TYRP1: variants seen among roughly 807,000 people sequenced by gnomAD.
TYRP1 encodes the protein tyrosinase related protein 1.
Under a neutral mutation model 42.8 loss-of-function variants are expected in TYRP1, and 49 were observed. The ratio of observed to expected loss-of-function variants is 1.14; its 90% CI spans 0.91 to 1.45. The LOEUF (loss-of-function observed/expected upper bound fraction) is 1.45, where lower values mean the gene tolerates loss of function less well. Ranked by LOEUF, TYRP1 falls within the 40% of genes most tolerant of loss-of-function variation. The pLI, the probability that TYRP1 is intolerant of heterozygous loss-of-function variation, is 0.00. For synonymous variants in TYRP1, 279 were observed against 235.4 expected, an observed-to-expected ratio of 1.19 and a Z score of -1.69; for missense variants, 848 against 662.0, an observed-to-expected ratio of 1.28 and a Z score of -3.08.
At chr9:12,707,923 C>A in intron 6 of TYRP1, 74 bp from the exon 7 acceptor site, 2 of 1,426,938 alleles carry the variant, frequency 1.4e-6, no homozygotes, top group African/African-American at 1.4e-5. Context: ...ATATTGGATG[C>A]CTTTAGAACT....
chr9:12,706,254 G>T (rs141586301), intron 6 of TYRP1, among the ~76,000 whole-genome samples: 1 of 151,976 alleles, frequency 6.6e-6, no homozygotes, highest in Non-Finnish European at 1.5e-5. Flanking sequence ...TCACAATGCC[G>T]TGGGTGTTAG....
At chr9:12,699,747 G>A (rs566635167) in intron 4 of TYRP1, among the ~76,000 whole-genome samples, 1 of 152,184 alleles carries the variant, frequency 6.6e-6, no homozygotes, top group East Asian at 1.9e-4. Flanking sequence ...AACTGAAATT[G>A]AGGATCAGGA....
In TYRP1 at chr9:12,709,338, G is replaced by A. The variant is rs1818318510; in HGVS notation, c.*156G>A. 2.6e-6 allele frequency: 2 copies of A among 771,260 alleles called. No individual in the cohort carries two copies. Among genetic ancestry groups the A allele is most frequent in the Admixed American group, 2.3e-5 (1 of 43,420 alleles). 47.8% of individuals were successfully genotyped at this position (771,260 alleles called of 1,614,324 possible). A position where few individuals can be genotyped will look rare whatever the true frequency, so the allele number is the denominator to read the frequency against. The stretch of plus-strand genomic sequence containing the variant: ...TTCTAGGCATACTTTTCAAAGCTGG[G>A]AAGACCCTTTCAGAATCTTTTCAAT... On this transcript the variant is annotated 3_prime_UTR_variant, in exon 8 of 8. Coordinates refer to ENST00000388918, the MANE Select transcript of TYRP1 (RefSeq NM_000550.3).
chr9:12,693,824 C>T, intron 1 of TYRP1, 88 bp from the exon 2 acceptor site: 1 of 726,956 alleles, frequency 1.4e-6, no homozygotes. Context: ...CATATGGGTT[C>T]CATTTTGAAA....
At position 12,708,104 on chromosome 9, in the gene TYRP1, C is replaced by A. The variant is rs767378460; in HGVS notation, c.1369C>A (p.Pro457Thr). 3.7e-6 allele frequency: 6 copies of A among 1,612,770 alleles called. No homozygotes were observed. In the Admixed American group the frequency reaches 1.0e-4, roughly 27 times the overall value. Residue 457 changes from proline to threonine, a missense_variant, in exon 7 of 8, where the codon CCA becomes ACA. Transcript: ENST00000388918. ...VTNTEMFVTA[P>T]DNLGYTYEIQ... ...CAACACAGAAATGTTTGTTACTGCTCCAGACAACCTGGGATACACTTATGA... is the reference window on the plus strand; with the variant it reads ...CAACACAGAAATGTTTGTTACTGCTACAGACAACCTGGGATACACTTATGA...
intron 3 of TYRP1, among the ~76,000 whole-genome samples, chr9:12,696,614 C>T (rs574768884): frequency 1.3e-5 from 2 of 152,048 alleles, no homozygotes; most frequent in African/African-American, 4.8e-5. Context: ...ACAAAGTGAA[C>T]CTCAACTCAA....
At chr9:12,705,631 G>C (rs557595350) in intron 6 of TYRP1, among the ~76,000 whole-genome samples, 4 of 152,112 alleles carry the variant, frequency 2.6e-5, no homozygotes, top group South Asian at 4.1e-4. Flanking sequence ...GGGATCACTT[G>C]AGCCCAAGAG....
At position 12,709,068 on chromosome 9, in the gene TYRP1, G is replaced by T. The variant is rs34060600; in HGVS notation, c.1500G>T (p.Leu500=). Residue 500 remains leucine (L), a synonymous_variant, in exon 8 of 8, where the codon CTG becomes CTT. Transcript: ENST00000388918. ...VALIFGTASY[L]IRARRSMDEA... Reference sequence around the variant, plus strand: ...TCATTTTTGGGACTGCTTCTTATCTGATTCGTGCCAGACGCAGTATGGATG... The same window carrying T: ...TCATTTTTGGGACTGCTTCTTATCTTATTCGTGCCAGACGCAGTATGGATG... 4 of 1,612,650 alleles carry T rather than the reference G, an allele frequency of 2.5e-6. No individual in the cohort carries two copies. In the African/African-American group the frequency reaches 5.3e-5, roughly 22 times the overall value.
At position 12,702,293 on chromosome 9, in the gene TYRP1, G is replaced by C. The variant is rs371838705; in HGVS notation, c.936G>C (p.Arg312Ser). 1.9e-6 allele frequency: 3 copies of C among 1,612,936 alleles called. No homozygotes were observed. The highest frequency in any genetic ancestry group is 2.5e-6 in the Non-Finnish European group (3 of 1,179,402). The stretch of plus-strand genomic sequence containing the variant: ...CAGGCACCGAGGATGGGCCAATTAG[G>C]AGAAATCCAGCTGGAAATGTGGCCA... ...LCNSTEDGPI[R>S]RNPAGNVARP... The change falls in exon 5 of 8, where the codon AGG (arginine) becomes AGC (serine). Residue 312 changes from arginine to serine, a missense_variant. By Grantham distance (110) the Arg-to-Ser change is moderately radical. Coordinates refer to ENST00000388918, the MANE Select transcript of TYRP1 (RefSeq NM_000550.3).
In TYRP1 at chr9:12,698,466, C is replaced by G. The variant is rs748738090; in HGVS notation, c.724C>G (p.Pro242Ala). The change falls in exon 4 of 8, where the codon CCT becomes GCT. Residue 242 changes from proline (P) to alanine (A), a missense_variant. Transcript: ENST00000388918. ...EKDMQEMLQE[P>A]SFSLPYWNFA... Reference sequence around the variant, plus strand: ...TGTGATCTAGGAAATGTTGCAAGAGCCTTCTTTCTCCCTTCCTTACTGGAA... The same window carrying G: ...TGTGATCTAGGAAATGTTGCAAGAGGCTTCTTTCTCCCTTCCTTACTGGAA... 8 of 1,613,584 alleles carry G rather than the reference C, an allele frequency of 5.0e-6. No individual in the cohort carries two copies. The highest frequency in any genetic ancestry group is 1.1e-5 in the South Asian group (1 of 91,076).
Position 12,709,178 on chromosome 9 carries a change from T to C in TYRP1, c.1610T>C (p.Val537Ala), listed in dbSNP as rs1818314234. The change falls in exon 8 of 8, where the codon GTC (valine) becomes GCC (alanine). Residue 537 changes from valine (V) to alanine (A), a missense_variant. By Grantham distance (64) the Val-to-Ala change is moderately conservative (BLOSUM62 0). Coordinates refer to ENST00000388918, the MANE Select transcript of TYRP1 (RefSeq NM_000550.3). ...EKLQNPNQSV[V>A] The stretch of plus-strand genomic sequence containing the variant: ...CTCCAGAATCCTAATCAGTCTGTGG[T>C]CTAACAAATGCCCTACTCTCTTATG... 6.2e-7 allele frequency: 1 copy of C among 1,612,272 alleles called. No homozygotes were observed. The highest frequency in any genetic ancestry group is 8.5e-7 in the Non-Finnish European group (1 of 1,178,776).
chr9:12,703,242 C>CCAT (rs1167455647), intron 5 of TYRP1, among the ~76,000 whole-genome samples: 1 of 151,666 alleles, frequency 6.6e-6, no homozygotes, highest in Non-Finnish European at 1.5e-5. Context: ...CTAATGCATC[C>CCAT]CATCTCCCCA....
chr9:12,707,652 T>C (rs929073690), intron 6 of TYRP1: 3 of 221,582 alleles, frequency 1.4e-5, no homozygotes, highest in Non-Finnish European at 2.6e-5. Flanking sequence ...TACAGGTTTA[T>C]GTTTTCTTTG....
chr9:12,707,966 T>TTA (rs748505028), intron 6 of TYRP1, 31 bp from the exon 7 acceptor site: 2 of 1,578,402 alleles, frequency 1.3e-6, no homozygotes, highest in African/African-American at 1.4e-5. Flanking sequence ...TTTATTATGT[T>TTA]TATTAATACG....
At chr9:12,701,513 A>ATGTT (rs1242314378) in intron 4 of TYRP1, 1 of 151,936 alleles carries the variant, frequency 6.6e-6, no homozygotes, top group African/African-American at 2.4e-5. Context: ...TCTGCCTAAA[A>ATGTT]TGTTTGTCTT....
At position 12,703,915 on chromosome 9, in the gene TYRP1, A is replaced by G. The variant is rs927657618; in HGVS notation, c.1082-611A>G. ...TGTGTGTGTGTGTGTGTGTGTATAT[A>G]TGTGTGTGTATATGTATATATGGAA... is the stretch of plus-strand genomic sequence containing the variant. On this transcript the variant is annotated intron_variant, in intron 5 of 7. Coordinates refer to ENST00000388918, the MANE Select transcript of TYRP1 (RefSeq NM_000550.3). 1.2e-4 allele frequency among the ~76,000 whole-genome samples: 11 copies of G among 94,846 alleles called. No homozygotes were observed. The East Asian group carries it at 1.3e-3, about 11-fold the overall frequency. The allele number at this position is 94,846 out of a possible 152,430, so 62.2% of individuals were successfully genotyped here. A position where few individuals can be genotyped will look rare whatever the true frequency, so the allele number is the denominator to read the frequency against.
rs141098505 is a variant in TYRP1, at chr9:12,702,353, T to A, written c.996T>A (p.Asp332Glu). ...TGCAACGTCTTCCTGAACCACAGGATGTCGCTCAGTGCTTGGAAGTTGGTT... is the reference window on the plus strand; with the variant it reads ...TGCAACGTCTTCCTGAACCACAGGAAGTCGCTCAGTGCTTGGAAGTTGGTT... ...PMVQRLPEPQ[D>E]VAQCLEVGLF... The change falls in exon 5 of 8, where the codon GAT becomes GAA. Residue 332 changes from aspartate (D) to glutamate (E), a missense_variant. Coordinates refer to ENST00000388918, the MANE Select transcript of TYRP1 (RefSeq NM_000550.3). The A allele has an allele frequency of 2.5e-6, 4 of 1,613,046 alleles. No individual in the cohort carries two copies. The highest frequency in any genetic ancestry group is 1.3e-5 in the African/African-American group (1 of 74,862).
Position 12,703,074 on chromosome 9 carries a change from A to G in TYRP1, c.1081+636A>G, listed in dbSNP as rs906749765. Among the ~76,000 whole-genome samples, 9 of 152,126 alleles carry G rather than the reference A, an allele frequency of 5.9e-5. No individual in the cohort carries two copies. The South Asian group carries it at 1.4e-3, about 25-fold the overall frequency. On this transcript the variant is annotated intron_variant, in intron 5 of 7. Coordinates refer to ENST00000388918, the MANE Select transcript of TYRP1 (RefSeq NM_000550.3). ...CTAACAGAGCGTAGGTTCAAATTCA[A>G]GTTTTCAAAATCCAGTGTCTTTGTA...
At chr9:12,702,788 A>G (rs1818193494) in intron 5 of TYRP1, among the ~76,000 whole-genome samples, 1 of 152,070 alleles carries the variant, frequency 6.6e-6, no homozygotes, top group African/African-American at 2.4e-5. Flanking sequence ...ACAGTGTATT[A>G]AATTAGTTTA....
Sources: allele counts gnomAD v4.1 joint callset (sites outside exome capture counted in the v4.1 genomes callset), GRCh38; gene constraint gnomAD v4.1.1; transcripts MANE v1.5; gene names NCBI Gene and HGNC (gene_info 2026-07-23, HGNC 2026-07-21).